Variants in CD7 observed in about 807,000 individuals in gnomAD.
CD7 encodes the protein T-cell antigen CD7.
Under a neutral mutation model 17.6 loss-of-function variants are expected in CD7, and 19 were observed. The observed-to-expected ratio is 1.08, with a 90% CI of 0.75 to 1.58. The LOEUF (loss-of-function observed/expected upper bound fraction) is 1.58. Among genes scored for constraint, CD7 ranks in the 40% most tolerant of loss-of-function variants. CD7 has a pLI of 0.00. For synonymous variants in CD7, 160 were observed against 159.8 expected (o/e 1.00, Z -0.01); for missense variants, 291 against 327.1 (o/e 0.89, Z 0.85).
rs760915399 is a variant in CD7 at position 82,315,426 on chromosome 17, C to A, written c.618G>T (p.Lys206Asn). 6.2e-7 allele frequency: 1 copy of A among 1,613,626 alleles called. No individual in the cohort carries two copies. The highest frequency in any genetic ancestry group is 8.5e-7 in the Non-Finnish European group (1 of 1,179,632). ...TCTTATCCCGCCACGAGCACAGTTT[C>A]TTTATCTGAAAGACAGAACCGCCGT... ...VACVLARTQI[K>N]KLCSWRDKNS... is the part of the protein sequence containing the mutation. The change falls in exon 4 of 4, where the codon AAG becomes AAT. Residue 206 changes from lysine to asparagine, a missense_variant. Lys to Asn is a moderately conservative substitution (Grantham distance 94, BLOSUM62 0). Coordinates refer to ENST00000312648, the MANE Select transcript of CD7 (RefSeq NM_006137.7).
Position 82,316,875 on chromosome 17 carries a change from C to T in CD7, c.189G>A (p.Gly63=), listed in dbSNP as rs1362400056. 3 of 1,613,446 alleles carry T rather than the reference C, an allele frequency of 1.9e-6. No homozygotes were observed. The highest frequency in any genetic ancestry group is 2.2e-5 in the East Asian group (1 of 44,898). ...GLRGIYLRQL[G]PQPQDIIYYE... is the part of the protein sequence containing the mutation. ...AGTAAATGATGTCTTGGGGCTGTGG[C>T]CCGAGCTGCCTCAGGTAGATCCCAC... Residue 63 remains glycine (G), a synonymous_variant, in exon 2 of 4, where the codon GGG becomes GGA. Transcript: ENST00000312648.
chr17:82,315,562 T>C (rs2052002110), intron 3 of CD7, 131 bp from the exon 4 acceptor site: 1 of 694,932 alleles, frequency 1.4e-6, no homozygotes, highest in Non-Finnish European at 2.5e-6. Flanking sequence ...CCAGGTCTCC[T>C]GAGCCCCAGG....
chr17:82,315,685 C>T (rs1203094094), intron 3 of CD7: 7 of 549,426 alleles, frequency 1.3e-5, no homozygotes, highest in African/African-American at 3.8e-5. Context: ...CAAGCGGGAC[C>T]CCCACTCCAG....
Position 82,316,941 on chromosome 17 carries a change from T to C in CD7, c.123A>G (p.Gly41=). The change falls in exon 2 of 4, where the codon GGA becomes GGG. Residue 41 remains glycine, a synonymous_variant. Coordinates refer to ENST00000312648, the MANE Select transcript of CD7 (RefSeq NM_006137.7). ...TGGAGCAGGTGATGTTGACGGAGGC[T>C]CCCACGGGGACAGTCGTGCAGTGGG... is the stretch of plus-strand genomic sequence containing the variant. ...QSPHCTTVPV[G]ASVNITCSTS... 1.2e-6 allele frequency: 2 copies of C among 1,606,162 alleles called. No individual in the cohort carries two copies. Among genetic ancestry groups the C allele is most frequent in the Non-Finnish European group, 1.7e-6 (2 of 1,179,014 alleles).
At position 82,316,351 on chromosome 17, in the gene CD7, G is replaced by A. The variant is rs867261411; in HGVS notation, c.456C>T (p.Leu152=). 2.5e-6 allele frequency: 4 copies of A among 1,594,402 alleles called. No individual in the cohort carries two copies. Among genetic ancestry groups the A allele is most frequent in the African/African-American group, 1.3e-5 (1 of 74,580 alleles). ...CSDAPPRASA[L]PAPPTGSALP... ...GGGCGGAGCCTGTCGGTGGGGCAGG[G>A]AGGGCAGAGGCCCTTGGTGGGGCGT... Residue 152 remains leucine (L), a synonymous_variant, in exon 3 of 4, where the codon CTC becomes CTT. Transcript: ENST00000312648.
Position 82,316,220 on chromosome 17 carries a change from AC to A in CD7, c.586del (p.Val196TrpfsTer10). 6.4e-7 allele frequency: 1 copy of A among 1,564,950 alleles called. No homozygotes were observed. Among genetic ancestry groups the A allele is most frequent in the South Asian group, 1.2e-5 (1 of 85,396 alleles). On this transcript the variant is annotated frameshift_variant, in exon 3 of 4. Transcript: ENST00000312648. LOFTEE classifies it low-confidence loss of function (END_TRUNC). Reference protein sequence around the residue: ...ISFLLGLGLGVACVLARTQIK... With the variant: ...ISFLLGLGLGXACVLARTQIK... ...CTGTGTCCTCGCCAGCACACACGCC[AC>A]CCCCAGGCCCAGCCCGAGGAGGAAG...
chr17:82,315,236 T>A lies in CD7; in HGVS notation c.*85A>T. ...CTGCAGCCGTGGGAGGACAGCAGGG[T>A]GAGGGGTGTGGCAGGGTGGGGGGCA... On this transcript the variant is annotated 3_prime_UTR_variant, in exon 4 of 4. Transcript: ENST00000312648. 1.5e-6 allele frequency: 1 copy of A among 658,516 alleles called. No homozygotes were observed. The highest frequency in any genetic ancestry group is 1.6e-5 in the South Asian group (1 of 63,160). 40.8% of individuals were successfully genotyped at this position (658,516 alleles called of 1,614,324 possible).
rs2052029179 is a variant in CD7, at chr17:82,317,504, C to T, written c.-9G>A. ...CTCGGAGGCCCGGCCATGTTCCCCA[C>T]ACCCAGCTCTCCCAGCCGGGCGAGT... On this transcript the variant is annotated 5_prime_UTR_variant, in exon 1 of 4. In the 5' UTR this introduces an upstream ATG that the reference lacks. Transcript: ENST00000312648. 6.4e-7 allele frequency: 1 copy of T among 1,560,462 alleles called. No individual in the cohort carries two copies. Among genetic ancestry groups the T allele is most frequent in the East Asian group, 2.4e-5 (1 of 41,984 alleles).
Position 82,317,587 on chromosome 17 carries a change from C to A in CD7, c.-92G>T, listed in dbSNP as rs187426425. 5 of 1,207,012 alleles carry A rather than the reference C, an allele frequency of 4.1e-6. No homozygotes were observed. Among genetic ancestry groups the A allele is most frequent in the Admixed American group, 5.4e-5 (2 of 36,910 alleles). 74.8% of individuals were successfully genotyped at this position (1,207,012 alleles called of 1,614,324 possible). ...ACAGAGAGCAGCACACAGGAGACCG[C>A]AGGCGCTCAGAGCTCAGAGAGGGCT... On this transcript the variant is annotated 5_prime_UTR_variant, in exon 1 of 4. Transcript: ENST00000312648.
chr17:82,315,445 C>T lies in CD7; in HGVS notation c.613-14G>A. Reference sequence around the variant, plus strand: ...CAGTTTCTTTATCTGAAAGACAGAACCGCCGTCTCCAACCAGTGGCCAGCG... The same window carrying T: ...CAGTTTCTTTATCTGAAAGACAGAATCGCCGTCTCCAACCAGTGGCCAGCG... On this transcript the variant is annotated splice_polypyrimidine_tract_variant and intron_variant, in intron 3 of 3. Coordinates refer to ENST00000312648, the MANE Select transcript of CD7 (RefSeq NM_006137.7). The T allele has an allele frequency of 3.7e-6, 6 of 1,604,768 alleles. No individual in the cohort carries two copies. In the South Asian group the frequency reaches 6.6e-5, roughly 18 times the overall value.
intron 3 of CD7, 71 bp from the exon 4 acceptor site, chr17:82,315,502 G>T: frequency 1.6e-6 from 2 of 1,236,498 alleles, no homozygotes. Context: ...ACTCCGGTCA[G>T]CTTTCTAATT....
At chr17:82,317,102 A>G (rs1266048004) in intron 1 of CD7, 121 bp from the exon 2 acceptor site, 1 of 924,860 alleles carries the variant, frequency 1.1e-6, no homozygotes, top group East Asian at 2.7e-5. Context: ...CATGTCGCCA[A>G]AGACACGGTG....
In CD7 at chr17:82,317,035, C is replaced by T. The variant is rs1002579673; in HGVS notation, c.83-54G>A. The T allele has an allele frequency of 4.1e-6, 6 of 1,481,362 alleles. No individual in the cohort carries two copies. The South Asian group carries it at 7.7e-5, about 19-fold the overall frequency. 91.8% of individuals were successfully genotyped at this position (1,481,362 alleles called of 1,614,324 possible). ...GTCTGGCCAGAAGGACAGAGAATGT[C>T]CTCCCTGCAGGGGACAGTGGTGGGG... On this transcript the variant is annotated intron_variant, in intron 1 of 3. Coordinates refer to ENST00000312648, the MANE Select transcript of CD7 (RefSeq NM_006137.7).
intron 2 of CD7, 76 bp from the exon 3 acceptor site, chr17:82,316,485 C>G: frequency 7.3e-7 from 1 of 1,378,828 alleles, no homozygotes; most frequent in Admixed American, 2.3e-5. Context: ...GGATTCGGGG[C>G]AGGGAAAGGC....
intron 3 of CD7, 117 bp from the exon 4 acceptor site, chr17:82,315,548 GCCCCCAGGTCTCCTGA>G: frequency 1.3e-6 from 1 of 766,970 alleles, no homozygotes; most frequent in Non-Finnish European, 2.2e-6. Flanking sequence ...CTCTGGGCTG[GCCCCCAGGTCTCCTGA>G]GCCCCAGGGC....
intron 1 of CD7, 22 bp downstream of exon 1, chr17:82,317,392 G>A: frequency 6.5e-7 from 1 of 1,545,396 alleles, no homozygotes. Flanking sequence ...CTGTGGCCAT[G>A]GAGAGCCTGG....
chr17:82,316,520 T>A, intron 2 of CD7, 111 bp from the exon 3 acceptor site: 1 of 1,251,102 alleles, frequency 8.0e-7, no homozygotes, highest in Non-Finnish European at 1.1e-6. Context: ...GGGGCAGCTA[T>A]CTAGGAGGCT....
At position 82,315,016 on chromosome 17, in the gene CD7, C is replaced by G; in HGVS notation, c.*305G>C. 2.8e-6 allele frequency: 1 copy of G among 361,136 alleles called. No individual in the cohort carries two copies. Among genetic ancestry groups the G allele is most frequent in the Admixed American group, 3.7e-5 (1 of 26,778 alleles). 22.4% of individuals were successfully genotyped at this position (361,136 alleles called of 1,614,324 possible). A position where few individuals can be genotyped will look rare whatever the true frequency, so the allele number is the denominator to read the frequency against. On this transcript the variant is annotated 3_prime_UTR_variant, in exon 4 of 4. Coordinates refer to ENST00000312648, the MANE Select transcript of CD7 (RefSeq NM_006137.7). ...GAGGGCCGCGTGCCCAGGCCCATCC[C>G]ACAGAAAAGCCCTCCTTGGCCATGG...
In CD7 at chr17:82,315,381, C is replaced by T; in HGVS notation, c.663G>A (p.Val221=). 6.2e-7 allele frequency: 1 copy of T among 1,613,602 alleles called. No individual in the cohort carries two copies. The highest frequency in any genetic ancestry group is 1.3e-5 in the African/African-American group (1 of 75,000). ...AGCGGCTGTGCGACATGTCCTCGTA[C>T]ACCACACATGCCGCCGAATTCTTAT... ...WRDKNSAACV[V]YEDMSHSRCN... is the part of the protein sequence containing the mutation. The change falls in exon 4 of 4, where the codon GTG becomes GTA. Residue 221 remains valine (V), a synonymous_variant. Transcript: ENST00000312648.
Sources: allele counts gnomAD v4.1 joint callset, GRCh38; gene constraint gnomAD v4.1.1; transcripts MANE v1.5; gene names NCBI Gene and HGNC (gene_info 2026-07-23, HGNC 2026-07-21).